The following ATP6V0A4 variants were observed in gnomAD, a reference collection of about 807,000 sequenced individuals.
ATP6V0A4 encodes the protein ATPase H+ transporting V0 subunit a4, also known as V-type proton ATPase 116 kDa subunit a 4.
Under a neutral mutation model 107.3 loss-of-function variants are expected in ATP6V0A4, and 86 were observed. The observed-to-expected ratio is 0.80, with a 90% CI of 0.67 to 0.96. The LOEUF (loss-of-function observed/expected upper bound fraction) is 0.96. Among genes scored for constraint, ATP6V0A4 ranks in the 40% least tolerant of loss-of-function variants. ATP6V0A4 has a pLI of 0.00. For synonymous variants in ATP6V0A4, 353 were observed against 381.4 expected, an observed-to-expected ratio of 0.93 and a Z score of 0.87; for missense variants, 908 against 1,045.6, an observed-to-expected ratio of 0.87 and a Z score of 1.81.
chr7:138,713,605 T>C (rs1246233889), intron 20 of ATP6V0A4, among the ~76,000 whole-genome samples: 3 of 151,994 alleles, frequency 2.0e-5, no homozygotes, highest in East Asian at 1.9e-4. Context: ...ACAATTATAA[T>C]TGAAGCTAGG....
At chr7:138,763,966 C>CA (rs1403231996) in intron 5 of ATP6V0A4, among the ~76,000 whole-genome samples, 4,090 of 128,026 alleles carry the variant, frequency 0.032, 208 homozygotes, top group African/African-American at 0.11. Context: ...GACTCTGTCT[C>CA]AAAAAAAAAA....
chr7:138,734,474 T>C (rs1344688770), intron 15 of ATP6V0A4, among the ~76,000 whole-genome samples: 1 of 152,136 alleles, frequency 6.6e-6, no homozygotes, highest in Non-Finnish European at 1.5e-5. Context: ...GGATCATTAG[T>C]GCTATTATCA....
At chr7:138,748,654 C>G (rs1806076474) in intron 12 of ATP6V0A4, among the ~76,000 whole-genome samples, 1 of 152,124 alleles carries the variant, frequency 6.6e-6, no homozygotes, top group African/African-American at 2.4e-5. Context: ...CGATCCACCT[C>G]CTCCGCCTCC....
chr7:138,728,879 G>A lies in ATP6V0A4; in HGVS notation c.1909-17C>T, dbSNP rs1398000598. The A allele has an allele frequency of 3.7e-6, 6 of 1,613,836 alleles. No homozygotes were observed. Among genetic ancestry groups the A allele is most frequent in the Non-Finnish European group, 5.1e-6 (6 of 1,180,044 alleles). On this transcript the variant is annotated splice_polypyrimidine_tract_variant and intron_variant, in intron 17 of 21. Coordinates refer to ENST00000310018, the MANE Select transcript of ATP6V0A4 (RefSeq NM_020632.3). ...GACTTCTTGCTGCAAGACCAAAATG[G>A]CGAGATCTCATCATTTTCACATGGC... is the stretch of plus-strand genomic sequence containing the variant.
intron 8 of ATP6V0A4, among the ~76,000 whole-genome samples, chr7:138,758,199 C>T (rs574187104): frequency 1.4e-3 from 213 of 152,026 alleles, no homozygotes; most frequent in Non-Finnish European, 2.3e-3. Context: ...ATGATCTTTA[C>T]GAAGGATGCA....
chr7:138,771,154 G>A lies in ATP6V0A4; in HGVS notation c.94C>T (p.Leu32Phe). The change falls in exon 3 of 22, where the codon CTC becomes TTC. Residue 32 changes from leucine (L) to phenylalanine (F), a missense_variant. By Grantham distance (22) the Leu-to-Phe change is conservative (BLOSUM62 0). Transcript: ENST00000310018. ...ACATCTTTGAACTGAACCAATCCGA[G>A]CTCTCCGAGCTCAGCCACACAGCAA... is the stretch of plus-strand genomic sequence containing the variant. ...AYCCVAELGE[L>F]GLVQFKDLNM... is the part of the protein sequence containing the mutation. The A allele has an allele frequency of 6.2e-7, 1 of 1,614,112 alleles. No homozygotes were observed. The highest frequency in any genetic ancestry group is 8.5e-7 in the Non-Finnish European group (1 of 1,180,020).
At chr7:138,722,123 G>T in intron 18 of ATP6V0A4, 98 bp from the exon 19 acceptor site, 1 of 1,545,890 alleles carries the variant, frequency 6.5e-7, no homozygotes, top group Non-Finnish European at 8.7e-7. Context: ...TACTACCTAT[G>T]TACCAGACAC....
chr7:138,711,678 C>A (rs781375204), intron 20 of ATP6V0A4, among the ~76,000 whole-genome samples: 1 of 152,168 alleles, frequency 6.6e-6, no homozygotes, highest in Non-Finnish European at 1.5e-5. Flanking sequence ...TCACCCCCGT[C>A]GGGTTAGACC....
chr7:138,706,888 G>GTTT, intron 21 of ATP6V0A4, 171 bp from the exon 22 acceptor site: 5 of 449,108 alleles, frequency 1.1e-5, no homozygotes, highest in Non-Finnish European at 8.3e-6. Flanking sequence ...GAATCCTGAG[G>GTTT]ATTTTTTTTT....
chr7:138,797,866 C>A, intron 1 of ATP6V0A4, 168 bp downstream of exon 1: 1 of 887,048 alleles, frequency 1.1e-6, no homozygotes, highest in Non-Finnish European at 1.7e-6. Flanking sequence ...GCTTGCCCCT[C>A]CCTTCCTTCC....
intron 20 of ATP6V0A4, among the ~76,000 whole-genome samples, chr7:138,714,099 G>T (rs1216539037): frequency 6.7e-6 from 1 of 150,116 alleles, no homozygotes; most frequent in Admixed American, 6.7e-5. Context: ...AAAAAAATTG[G>T]CCCAGGCATG....
rs201864505 is a variant in ATP6V0A4, at chr7:138,747,492, A to G, written c.1253T>C (p.Met418Thr). 6.2e-7 allele frequency: 1 copy of G among 1,614,158 alleles called. No homozygotes were observed. The highest frequency in any genetic ancestry group is 8.5e-7 in the Non-Finnish European group (1 of 1,180,038). ...AATCATCCAAAGTGCAGCCAGGAGC[A>G]TCACGGTTCCATGACCACAGTCTCC... is the stretch of plus-strand genomic sequence containing the variant. ...MFGDCGHGTVMLLAALWMILN... is the reference protein window; with the variant it reads ...MFGDCGHGTVTLLAALWMILN... Residue 418 changes from methionine to threonine, a missense_variant, in exon 13 of 22, where the codon ATG becomes ACG. Met to Thr is a moderately conservative substitution (Grantham distance 81). Transcript: ENST00000310018.
chr7:138,797,855 A>T, intron 1 of ATP6V0A4, 179 bp downstream of exon 1: 1 of 747,418 alleles, frequency 1.3e-6, no homozygotes, highest in Non-Finnish European at 2.2e-6. Flanking sequence ...AGAAGGGCAC[A>T]GCTTGCCCCT....
chr7:138,734,395 A>C, intron 15 of ATP6V0A4, 141 bp from the exon 16 acceptor site: 1 of 1,369,456 alleles, frequency 7.3e-7, no homozygotes, highest in Non-Finnish European at 1.0e-6. Context: ...CAATGCATAC[A>C]TTTTAGAGTC....
chr7:138,780,573 G>A (rs1807873441), intron 2 of ATP6V0A4, among the ~76,000 whole-genome samples: 1 of 152,182 alleles, frequency 6.6e-6, no homozygotes, highest in Non-Finnish European at 1.5e-5. Context: ...AGTGGCAACA[G>A]CCAGGTTGGC....
intron 7 of ATP6V0A4, among the ~76,000 whole-genome samples, chr7:138,761,203 T>C (rs374775406): frequency 1.3e-5 from 2 of 152,124 alleles, no homozygotes; most frequent in African/African-American, 4.8e-5. Context: ...AGCCTGGCAT[T>C]GTGCCTGTGG....
At chr7:138,736,106 T>C (rs1805309408) in intron 15 of ATP6V0A4, among the ~76,000 whole-genome samples, 1 of 150,876 alleles carries the variant, frequency 6.6e-6, no homozygotes, top group African/African-American at 2.5e-5. Context: ...TAGCCCAGCA[T>C]GGCATGGCAC....
chr7:138,732,932 T>G lies in ATP6V0A4; in HGVS notation c.1853A>C (p.Asn618Thr). The G allele has an allele frequency of 5.0e-6, 8 of 1,613,054 alleles. No individual in the cohort carries two copies. The highest frequency in any genetic ancestry group is 6.8e-6 in the Non-Finnish European group (8 of 1,179,670). ...HAPSILIHFINMFLFNYSDSS... is the reference protein window; with the variant it reads ...HAPSILIHFITMFLFNYSDSS... ...GTCACTGTAGTTAAACAGAAACATG[T>G]TGATGAAGTGGATGAGGATGCTGGG... Residue 618 changes from asparagine (N) to threonine (T), a missense_variant, in exon 17 of 22, where the codon AAC becomes ACC. Coordinates refer to ENST00000310018, the MANE Select transcript of ATP6V0A4 (RefSeq NM_020632.3).
At chr7:138,754,412 C>T (rs10261808) in intron 10 of ATP6V0A4, among the ~76,000 whole-genome samples, 4,711 of 145,602 alleles carry the variant, frequency 0.032, 273 homozygotes, top group African/African-American at 0.11. Context: ...TGCGCCACTG[C>T]ACTCCAGCCT....
Sources: allele counts gnomAD v4.1 joint callset (sites outside exome capture counted in the v4.1 genomes callset), GRCh38; gene constraint gnomAD v4.1.1; transcripts MANE v1.5; gene names NCBI Gene and HGNC (gene_info 2026-07-23, HGNC 2026-07-21).